P2RY8: variants seen among roughly 807,000 people sequenced by gnomAD.
The protein encoded by P2RY8 is S-geranylgeranyl-glutathione receptor P2RY8.
Under a neutral mutation model 10.0 loss-of-function variants are expected in P2RY8, and 6 were observed. That is an observed-to-expected ratio of 0.60 (90% CI 0.33 to 1.19). P2RY8 has a LOEUF of 1.19. Among genes scored for constraint, P2RY8 ranks in the 50% most tolerant of loss-of-function variants. The probability of loss-of-function intolerance (pLI) is 0.04; values close to 1 mark genes in which losing one functional copy is unlikely to be tolerated. For missense variants in P2RY8, 456 were observed against 542.0 expected, an observed-to-expected ratio of 0.84 and a Z score of 1.58; for synonymous variants, 276 against 252.5, an observed-to-expected ratio of 1.09 and a Z score of -0.88.
chrX:1,468,645 C>G (rs1603453690), intron 1 of P2RY8, among the ~76,000 whole-genome samples: 1 of 151,888 alleles, frequency 6.6e-6, no homozygotes, highest in Admixed American at 6.6e-5. Flanking sequence ...AGGTGGCTGT[C>G]CAGAAATTTC....
At chrX:1,505,526 C>A (rs5948925) in intron 1 of P2RY8, among the ~76,000 whole-genome samples, 134,108 of 152,196 alleles carry the variant, frequency 0.88, 59,886 homozygotes, top group South Asian at 0.99. Context: ...CCACTAGCTT[C>A]GGAAGATACA....
chrX:1,530,248 C>G (rs1485546182), intron 1 of P2RY8, among the ~76,000 whole-genome samples: 1 of 151,184 alleles, frequency 6.6e-6, no homozygotes, highest in Non-Finnish European at 1.5e-5. Context: ...ATCTATCTAT[C>G]TCTATTACCT....
At position 1,514,848 on chromosome X, in the gene P2RY8, TCCCTCCCCCTCCCCCTCC is replaced by T. The variant is rs1436333134; in HGVS notation, c.-25+22055_-25+22072del. On this transcript the variant is annotated intron_variant, in intron 1 of 1. Transcript: ENST00000381297. ...CTTTCCCTTTCCTTCCCTTTCCCTT[TCCCTCCCCCTCCCCCTCC>T]CCTTCCCCTGTCTTCCTCTCCCCTC... is the stretch of plus-strand genomic sequence containing the variant. Among the ~76,000 whole-genome samples, 11 of 27,902 alleles carry T rather than the reference TCCCTCCCCCTCCCCCTCC, an allele frequency of 3.9e-4. 1 individual carries two copies. The highest frequency in any genetic ancestry group is 2.3e-3 in the South Asian group (1 of 432). 18.3% of individuals were successfully genotyped at this position (27,902 alleles called of 152,430 possible).
At chrX:1,507,278 G>A (rs2092243205) in intron 1 of P2RY8, among the ~76,000 whole-genome samples, 1 of 152,082 alleles carries the variant, frequency 6.6e-6, no homozygotes, top group Non-Finnish European at 1.5e-5. Flanking sequence ...CTCTGTGCGT[G>A]TCCAAGATGA....
intron 1 of P2RY8, among the ~76,000 whole-genome samples, chrX:1,501,110 C>A (rs1186749286): frequency 2.0e-5 from 3 of 152,194 alleles, no homozygotes; most frequent in African/African-American, 7.2e-5. Flanking sequence ...AGACTCTACG[C>A]CCATCTTCCA....
rs1470425620 is a variant in P2RY8, at chrX:1,466,538, G to C, written c.21C>G (p.Thr7=). The change falls in exon 2 of 2, where the codon ACC becomes ACG. Residue 7 remains threonine, a synonymous_variant. Transcript: ENST00000381297. ...TCTGCAGCGTCGCGTTGTCCGGGCC[G>C]GTGCTGTTCGGGACCTGCATCCTGG... MQVPNS[T]GPDNATLQML... 2.5e-6 allele frequency: 4 copies of C among 1,607,510 alleles called. No individual in the cohort carries two copies. The South Asian group carries it at 4.4e-5, about 18-fold the overall frequency.
At chrX:1,533,893 TTA>T (rs1332267217) in intron 1 of P2RY8, among the ~76,000 whole-genome samples, 3 of 122,942 alleles carry the variant, frequency 2.4e-5, no homozygotes, top group African/African-American at 3.3e-5. Context: ...TATTATATAC[TTA>T]TATATGTATT....
intron 1 of P2RY8, among the ~76,000 whole-genome samples, chrX:1,487,878 AGGC>A (rs2092000785): frequency 6.6e-6 from 1 of 152,174 alleles, no homozygotes; most frequent in Admixed American, 6.5e-5. Flanking sequence ...TGGGAGGCCG[AGGC>A]GGGTGGATCA....
chrX:1,473,344 G>A (rs1456691314), intron 1 of P2RY8, among the ~76,000 whole-genome samples: 2 of 145,326 alleles, frequency 1.4e-5, no homozygotes, highest in Non-Finnish European at 1.5e-5. Context: ...ATGGGTGGAT[G>A]AATGGTGGAT....
chrX:1,508,713 TCTA>T (rs1569538042), intron 1 of P2RY8, among the ~76,000 whole-genome samples: 1,078 of 58,334 alleles, frequency 0.018, 24 homozygotes, highest in Non-Finnish European at 0.032. Flanking sequence ...ATTCTATCTA[TCTA>T]TCTATCTATC....
intron 1 of P2RY8, among the ~76,000 whole-genome samples, chrX:1,509,751 G>GTCTA (rs1307366915): frequency 0.034 from 2,680 of 78,372 alleles, 338 homozygotes; most frequent in Admixed American, 0.095. Flanking sequence ...GTATCTATCT[G>GTCTA]TCTATCTATC....
intron 1 of P2RY8, among the ~76,000 whole-genome samples, chrX:1,529,944 C>G (rs1170599991): frequency 2.6e-5 from 4 of 151,934 alleles, no homozygotes; most frequent in Non-Finnish European, 5.9e-5. Context: ...GTGGGTGGAT[C>G]CCGGGGATGC....
chrX:1,528,628 G>T (rs1333123488), intron 1 of P2RY8, among the ~76,000 whole-genome samples: 4 of 152,188 alleles, frequency 2.6e-5, no homozygotes, highest in Non-Finnish European at 5.9e-5. Flanking sequence ...TTCTTTGAAT[G>T]AGTGTGGATT....
chrX:1,475,916 T>G (rs2091867896), intron 1 of P2RY8, among the ~76,000 whole-genome samples: 1 of 152,166 alleles, frequency 6.6e-6, no homozygotes, highest in African/African-American at 2.4e-5. Flanking sequence ...AATGGCTGCA[T>G]AGGACCCTCT....
intron 1 of P2RY8, among the ~76,000 whole-genome samples, chrX:1,497,656 A>AAAATAAAT (rs200860203): frequency 3.3e-5 from 5 of 151,626 alleles, no homozygotes; most frequent in Admixed American, 6.6e-5. Flanking sequence ...ACTCTGTCTC[A>AAAATAAAT]AAATAAATAA....
chrX:1,504,445 C>A (rs1184394767), intron 1 of P2RY8, among the ~76,000 whole-genome samples: 1 of 152,188 alleles, frequency 6.6e-6, no homozygotes, highest in Non-Finnish European at 1.5e-5. Context: ...CCCTGTCCAC[C>A]TCATGACAGC....
Position 1,469,215 on chromosome X carries a change from A to G in P2RY8, c.-24-2633T>C, listed in dbSNP as rs755385310. Among the ~76,000 whole-genome samples the G allele has an allele frequency of 4.9e-5, 7 of 141,760 alleles. No homozygotes were observed. The East Asian group carries it at 6.3e-4, about 13-fold the overall frequency. 93.0% of individuals were successfully genotyped at this position (141,760 alleles called of 152,430 possible). ...TTCGCAGTCTGTCATCCAGGCTGGA[A>G]TGCAATGGCGTGATCTCGGCTCACT... On this transcript the variant is annotated intron_variant, in intron 1 of 1. Transcript: ENST00000381297.
chrX:1,488,461 C>T (rs757254220), intron 1 of P2RY8, among the ~76,000 whole-genome samples: 65 of 152,318 alleles, frequency 4.3e-4, no homozygotes, highest in African/African-American at 1.5e-3. Context: ...CTTGCCCTAG[C>T]TCCTGTGATT....
chrX:1,530,660 A>G (rs1344043344), intron 1 of P2RY8, among the ~76,000 whole-genome samples: 8 of 150,822 alleles, frequency 5.3e-5, no homozygotes, highest in Non-Finnish European at 1.2e-4. Flanking sequence ...CTATCTATGT[A>G]TCTCTCTAAT....
Sources: allele counts gnomAD v4.1 joint callset (sites outside exome capture counted in the v4.1 genomes callset), GRCh38; gene constraint gnomAD v4.1.1; transcripts MANE v1.5; gene names NCBI Gene and HGNC (gene_info 2026-07-23, HGNC 2026-07-21).